The following AOPEP variants were observed in gnomAD, a reference collection of about 807,000 sequenced individuals.
AOPEP encodes aminopeptidase O (putative), also known as aminopeptidase O.
AOPEP carries 77 observed loss-of-function variants against 98.1 expected under a neutral mutation model. The observed-to-expected ratio is 0.78, with a 90% CI of 0.65 to 0.95. AOPEP has a LOEUF of 0.95. Among genes scored for constraint, AOPEP ranks in the 40% least tolerant of loss-of-function variants. AOPEP has a pLI of 0.00. For synonymous variants in AOPEP, 346 were observed against 365.3 expected (o/e 0.95, Z 0.60); for missense variants, 1,024 against 1,024.7 (o/e 1.00, Z 0.01).
intron 13 of AOPEP, chr9:95,019,825 A>G (rs1044630784): frequency 6.6e-6 from 1 of 152,272 alleles, no homozygotes; most frequent in Non-Finnish European, 1.5e-5. Context: ...CACCACCAGC[A>G]AGAAGCTGTC....
At chr9:95,037,240 G>A (rs1049285146) in intron 13 of AOPEP, among the ~76,000 whole-genome samples, 1 of 151,990 alleles carries the variant, frequency 6.6e-6, no homozygotes, top group Non-Finnish European at 1.5e-5. Flanking sequence ...TTTTTTAAAG[G>A]GGGGTGGTTT....
At chr9:95,082,925 G>A in intron 16 of AOPEP, 1 of 563,218 alleles carries the variant, frequency 1.8e-6, no homozygotes, top group Non-Finnish European at 3.1e-6. Context: ...TTGCCTGGCT[G>A]TGGCAGTCAC....
rs545057957 is a variant in AOPEP, at chr9:94,783,995, G to A, written c.965-8770G>A. Among the ~76,000 whole-genome samples, 7 of 152,296 alleles carry A rather than the reference G, an allele frequency of 4.6e-5. No individual in the cohort carries two copies. In the East Asian group the frequency reaches 7.7e-4, roughly 17 times the overall value. On this transcript the variant is annotated intron_variant, in intron 3 of 16. Transcript: ENST00000375315. ...AAGCACGTATCAATTTGATATTTCC[G>A]AATGCTTCATGCTGTTTGTCTAACC...
chr9:94,912,578 C>T lies in AOPEP; in HGVS notation c.1365-11408C>T, dbSNP rs566337685. ...GGTGCCATGGCTGACCGTGTGAGACCCAATTCCTTGTCCATCTTCCACTAC... is the reference window on the plus strand; with the variant it reads ...GGTGCCATGGCTGACCGTGTGAGACTCAATTCCTTGTCCATCTTCCACTAC... On this transcript the variant is annotated intron_variant, in intron 5 of 16. Coordinates refer to ENST00000375315, the MANE Select transcript of AOPEP (RefSeq NM_001193329.3). Among the ~76,000 whole-genome samples, 150 of 152,194 alleles carry T rather than the reference C, an allele frequency of 9.9e-4. 1 individual carries two copies. Among genetic ancestry groups the T allele is most frequent in the Non-Finnish European group, 1.7e-3 (117 of 68,016 alleles).
At chr9:95,107,935 C>T in the AOPEP span, among the ~76,000 whole-genome samples, 2 of 152,210 alleles carry the variant, frequency 1.3e-5, no homozygotes, top group African/African-American at 2.4e-5. Flanking sequence ...AAAAAATACT[C>T]ATTCCATGCT....
At chr9:94,888,294 CGTGTGTGT>C (rs59342995) in intron 5 of AOPEP, among the ~76,000 whole-genome samples, 23 of 137,690 alleles carry the variant, frequency 1.7e-4, no homozygotes, top group African/African-American at 2.9e-4. Flanking sequence ...AGAACCTTAC[CGTGTGTGT>C]GTGTGTGTGT....
chr9:95,110,454 A>G, the AOPEP span: 1 of 1,028,130 alleles, frequency 9.7e-7, no homozygotes, highest in Non-Finnish European at 1.2e-6. Context: ...TTAAAGGGGA[A>G]GAAATAAAAA....
intron 7 of AOPEP, among the ~76,000 whole-genome samples, chr9:94,939,395 A>G (rs1167977435): frequency 6.6e-6 from 1 of 152,182 alleles, no homozygotes; most frequent in East Asian, 1.9e-4. Flanking sequence ...ACAACAGCCC[A>G]TGTTCCTCCT....
chr9:94,816,892 C>A (rs1851818664), intron 5 of AOPEP, among the ~76,000 whole-genome samples: 1 of 152,184 alleles, frequency 6.6e-6, no homozygotes, highest in African/African-American at 2.4e-5. Context: ...GCCACGAAGG[C>A]CTGTGCACAT....
At chr9:94,974,239 C>T (rs1485790189) in intron 10 of AOPEP, among the ~76,000 whole-genome samples, 3 of 152,202 alleles carry the variant, frequency 2.0e-5, no homozygotes, top group African/African-American at 7.2e-5. Flanking sequence ...ATGCTTTCAT[C>T]TTTCTCTCAT....
chr9:94,898,487 A>C (rs1317358816), intron 5 of AOPEP, among the ~76,000 whole-genome samples: 1 of 151,786 alleles, frequency 6.6e-6, no homozygotes, highest in Non-Finnish European at 1.5e-5. Flanking sequence ...GGTGTGGGGC[A>C]CTTGTAATTC....
At chr9:95,111,524 A>T in the AOPEP span, 3 of 1,614,138 alleles carry the variant, frequency 1.9e-6, no homozygotes, top group Non-Finnish European at 2.5e-6. Flanking sequence ...CAAGAGCCAC[A>T]GCAGGGCCGT....
At chr9:95,137,229 GGA>G in the AOPEP span, among the ~76,000 whole-genome samples, 506 of 152,282 alleles carry the variant, frequency 3.3e-3, 9 homozygotes, top group East Asian at 0.043. Context: ...AGGGACATGG[GGA>G]GAGCAGTTCC....
chr9:94,792,439 G>A (rs1845929153), intron 3 of AOPEP, among the ~76,000 whole-genome samples: 1 of 152,006 alleles, frequency 6.6e-6, no homozygotes, highest in South Asian at 2.1e-4. Flanking sequence ...TGAATGAGAC[G>A]TATTCTGTCT....
intron 13 of AOPEP, among the ~76,000 whole-genome samples, chr9:95,036,129 A>G (rs935555766): frequency 6.6e-6 from 1 of 152,196 alleles, no homozygotes; most frequent in Non-Finnish European, 1.5e-5. Flanking sequence ...TCCTGTTTAA[A>G]GGTTCCTTTG....
intron 7 of AOPEP, chr9:94,933,712 TTAAAA>T (rs1306354185): frequency 2.1e-6 from 2 of 968,694 alleles, no homozygotes; most frequent in African/African-American, 3.5e-5. Context: ...TACATTCCAC[TTAAAA>T]TAGGAAGCCT....
At chr9:94,957,280 T>C (rs1212305305) in intron 9 of AOPEP, among the ~76,000 whole-genome samples, 9 of 152,204 alleles carry the variant, frequency 5.9e-5, no homozygotes, top group Non-Finnish European at 1.3e-4. Flanking sequence ...CGATCGCGGC[T>C]CACTGCAACC....
At chr9:95,052,347 C>A (rs998208873) in intron 13 of AOPEP, among the ~76,000 whole-genome samples, 3 of 152,102 alleles carry the variant, frequency 2.0e-5, no homozygotes, top group Non-Finnish European at 4.4e-5. Flanking sequence ...ATATAGTTTT[C>A]TTTGAACTCG....
chr9:94,882,030 G>C (rs949442308), intron 5 of AOPEP, among the ~76,000 whole-genome samples: 1 of 152,168 alleles, frequency 6.6e-6, no homozygotes, highest in African/African-American at 2.4e-5. Context: ...AAATTTTTGA[G>C]GACTTCCCCT....
Sources: allele counts gnomAD v4.1 joint callset (sites outside exome capture counted in the v4.1 genomes callset), GRCh38; gene constraint gnomAD v4.1.1; transcripts MANE v1.5; gene names NCBI Gene and HGNC (gene_info 2026-07-23, HGNC 2026-07-21).